Variants in PRKACB observed in about 807,000 individuals in gnomAD.
PRKACB encodes cAMP-dependent protein kinase catalytic subunit beta.
Under a neutral mutation model 51.4 loss-of-function variants are expected in PRKACB, and 16 were observed. That is an observed-to-expected ratio of 0.31 (90% confidence interval 0.21 to 0.47). PRKACB has a LOEUF of 0.47. PRKACB is among the 20% of genes least tolerant of loss of function. The pLI, the probability that PRKACB is intolerant of heterozygous loss-of-function variation, is 1.00. For synonymous variants in PRKACB, 147 were observed against 154.4 expected, an observed-to-expected ratio of 0.95 and a Z score of 0.35; for missense variants, 309 against 464.5, an observed-to-expected ratio of 0.67 and a Z score of 3.08.
At chr1:84,197,413 T>C (rs1296668272) in intron 6 of PRKACB, among the ~76,000 whole-genome samples, 1 of 152,172 alleles carries the variant, frequency 6.6e-6, no homozygotes, top group African/African-American at 2.4e-5. Context: ...GTTTCATTTT[T>C]ATTAATGCTA....
At chr1:84,107,458 A>G (rs1159093758) in intron 1 of PRKACB, among the ~76,000 whole-genome samples, 1 of 152,172 alleles carries the variant, frequency 6.6e-6, no homozygotes, top group Non-Finnish European at 1.5e-5. Context: ...GGCACAAGCA[A>G]TTTCAACAAT....
chr1:84,187,182 G>A (rs903478389), intron 5 of PRKACB, among the ~76,000 whole-genome samples: 1 of 151,954 alleles, frequency 6.6e-6, no homozygotes, highest in Non-Finnish European at 1.5e-5. Flanking sequence ...TTTGCAAGAG[G>A]GACCACCAGC....
intron 2 of PRKACB, among the ~76,000 whole-genome samples, chr1:84,180,183 G>GATATATATATATATATATATAT (rs3051182): frequency 0.022 from 715 of 31,958 alleles, 189 homozygotes; most frequent in Middle Eastern, 0.12. Context: ...AAGAAACTGT[G>GATATATATATATATATATATAT]ATATATATAT....
intron 9 of PRKACB, among the ~76,000 whole-genome samples, chr1:84,233,283 G>A (rs1445530280): frequency 9.9e-5 from 15 of 151,998 alleles, no homozygotes; most frequent in East Asian, 9.7e-4. Context: ...CGAGAGATCC[G>A]CTGTTAGTCT....
At chr1:84,219,528 G>A (rs1312215734) in intron 9 of PRKACB, among the ~76,000 whole-genome samples, 2 of 151,856 alleles carry the variant, frequency 1.3e-5, no homozygotes, top group East Asian at 3.9e-4. Context: ...TCTTTGACTA[G>A]ACCAATGTTC....
intron 8 of PRKACB, among the ~76,000 whole-genome samples, chr1:84,203,794 T>A (rs572699698): frequency 6.6e-6 from 1 of 152,024 alleles, no homozygotes; most frequent in South Asian, 2.1e-4. Flanking sequence ...AGAGTTGAGG[T>A]TTTTTTGTTT....
At chr1:84,177,965 GA>G (rs1280573571) in intron 1 of PRKACB, among the ~76,000 whole-genome samples, 1 of 151,852 alleles carries the variant, frequency 6.6e-6, no homozygotes, top group Non-Finnish European at 1.5e-5. Context: ...AAATACAAAG[GA>G]CAGTTTATAG....
At chr1:84,181,183 A>G (rs1038737022) in intron 2 of PRKACB, among the ~76,000 whole-genome samples, 26 of 151,970 alleles carry the variant, frequency 1.7e-4, no homozygotes, top group African/African-American at 5.3e-4. Context: ...GATTTGCAAT[A>G]CAGATAAAAT....
At chr1:84,220,628 G>T (rs904520970) in intron 9 of PRKACB, among the ~76,000 whole-genome samples, 1 of 152,086 alleles carries the variant, frequency 6.6e-6, no homozygotes, top group African/African-American at 2.4e-5. Flanking sequence ...TGCCTAATTT[G>T]TTGAGAGTTT....
At chr1:84,167,756 G>C (rs531596273) in intron 1 of PRKACB, among the ~76,000 whole-genome samples, 52 of 151,494 alleles carry the variant, frequency 3.4e-4, no homozygotes, top group African/African-American at 6.0e-4. Context: ...CATTGCCAGT[G>C]AAAAATACCA....
At chr1:84,117,034 G>GT (rs1007963721) in intron 1 of PRKACB, among the ~76,000 whole-genome samples, 139 of 147,554 alleles carry the variant, frequency 9.4e-4, no homozygotes, top group African/African-American at 2.5e-3. Flanking sequence ...GGGATGTTGA[G>GT]TTTTTTTTTT....
intron 9 of PRKACB, among the ~76,000 whole-genome samples, chr1:84,232,588 G>C (rs1270423291): frequency 6.6e-6 from 1 of 151,678 alleles, no homozygotes; most frequent in African/African-American, 2.4e-5. Context: ...TTATGAATCT[G>C]GGTGCTCCTG....
At chr1:84,144,250 C>T (rs1453541446), upstream of PRKACB, 1 of 1,504,560 alleles carries the variant, frequency 6.6e-7, no homozygotes, top group Non-Finnish European at 8.8e-7. Flanking sequence ...GTTTGAATAC[C>T]CTGCAAACAG....
intron 1 of PRKACB, among the ~76,000 whole-genome samples, chr1:84,107,300 T>C (rs557340223): frequency 6.6e-6 from 1 of 152,224 alleles, no homozygotes; most frequent in East Asian, 1.9e-4. Context: ...AGACTGAAAC[T>C]GGACCCCTTC....
intron 7 of PRKACB, 104 bp downstream of exon 7, chr1:84,197,928 G>A (rs1668660790): frequency 1.3e-6 from 1 of 763,362 alleles, no homozygotes; most frequent in African/African-American, 1.8e-5. Context: ...TTTTTAATTT[G>A]ATCTAAGTTA....
At chr1:84,184,764 A>G (rs976911654) in intron 4 of PRKACB, among the ~76,000 whole-genome samples, 3 of 151,902 alleles carry the variant, frequency 2.0e-5, no homozygotes, top group Non-Finnish European at 2.9e-5. Flanking sequence ...AAATATTCTT[A>G]TTAACTTTTT....
At chr1:84,130,189 CAAAAAAAAA>C (rs71097833) in intron 1 of PRKACB, among the ~76,000 whole-genome samples, 2 of 56,184 alleles carry the variant, frequency 3.6e-5, no homozygotes, top group African/African-American at 7.2e-5. Flanking sequence ...GACTCCGTCT[CAAAAAAAAA>C]AAAAAAAAAA....
intron 1 of PRKACB, chr1:84,178,795 T>C (rs1364240075): frequency 6.4e-6 from 1 of 155,736 alleles, no homozygotes; most frequent in African/African-American, 2.4e-5. Context: ...GTTAATGTTC[T>C]CCACATGTTT....
At chr1:84,094,524 G>C (rs1648771743) in intron 1 of PRKACB, among the ~76,000 whole-genome samples, 1 of 151,638 alleles carries the variant, frequency 6.6e-6, no homozygotes, top group South Asian at 2.1e-4. Flanking sequence ...TCAAATATTT[G>C]GGGGTTTTTA....
Sources: gnomAD v4.1 joint callset for allele counts (sites outside exome capture counted in the v4.1 genomes callset) on GRCh38, gnomAD v4.1.1 for gene constraint, MANE v1.5 for transcripts, NCBI Gene and HGNC (gene_info 2026-07-23, HGNC 2026-07-21) for gene names.